Variants in MTCL3 observed in about 807,000 individuals in gnomAD.
MTCL3 encodes MTCL family member 3, also known as microtubule cross-linking factor 3.
At chr6:127,515,619 C>A in the MTCL3 span, 1 of 1,416,656 alleles carries the variant, frequency 7.1e-7, no homozygotes, top group Non-Finnish European at 9.2e-7. The surrounding 1 kb of genome is among the most constrained non-coding windows in gnomAD (Gnocchi z 4.3). Flanking sequence ...GCGCTGCCGC[C>A]TGCATGCCCC....
chr6:127,495,952 G>A, the MTCL3 span, among the ~76,000 whole-genome samples: 7 of 152,110 alleles, frequency 4.6e-5, no homozygotes, highest in Admixed American at 4.6e-4. Context: ...ACTCTCGGCT[G>A]GGCATGGTGG....
chr6:127,476,539 G>C, the MTCL3 span: 1 of 1,221,444 alleles, frequency 8.2e-7, no homozygotes, highest in South Asian at 1.5e-5. This position sits in a 1 kb window ranked among gnomAD's most constrained non-coding sequence, Gnocchi z 4.4. Flanking sequence ...AACCAAAAGA[G>C]GACACCTGGA....
the MTCL3 span, chr6:127,518,634 C>T: frequency 1.3e-5 from 2 of 152,272 alleles, no homozygotes; most frequent in African/African-American, 4.8e-5. Context: ...CACTTTCCTT[C>T]TGATATTCCG....
the MTCL3 span, chr6:127,516,732 A>G: frequency 6.8e-7 from 1 of 1,463,502 alleles, no homozygotes; most frequent in East Asian, 2.5e-5. Flanking sequence ...AGAGAAGAAG[A>G]CAACATGTCT....
the MTCL3 span, among the ~76,000 whole-genome samples, chr6:127,512,018 T>C: frequency 4.6e-5 from 7 of 152,206 alleles, no homozygotes; most frequent in African/African-American, 1.4e-4. Flanking sequence ...TATTTCTCAA[T>C]GGTAGTTTTC....
chr6:127,515,653 C>T, the MTCL3 span: 1 of 1,476,786 alleles, frequency 6.8e-7, no homozygotes, highest in Non-Finnish European at 8.9e-7. This position sits in a 1 kb window ranked among gnomAD's most constrained non-coding sequence, Gnocchi z 4.3. Context: ...GCCCTCTGCG[C>T]TCTGCTGGGG....
At chr6:127,515,912 C>T in the MTCL3 span, 3 of 1,611,188 alleles carry the variant, frequency 1.9e-6, no homozygotes, top group South Asian at 3.3e-5. The surrounding 1 kb of genome is among the most constrained non-coding windows in gnomAD (Gnocchi z 4.3). Context: ...ACGCCGCTTC[C>T]GGAGTTTCTG....
the MTCL3 span, chr6:127,483,085 T>C: frequency 1.1e-6 from 1 of 888,810 alleles, no homozygotes; most frequent in Non-Finnish European, 1.7e-6. Flanking sequence ...CCAAGACAAA[T>C]AAAAAGAGTT....
chr6:127,493,873 T>C, the MTCL3 span, among the ~76,000 whole-genome samples: 3 of 152,244 alleles, frequency 2.0e-5, no homozygotes, highest in Non-Finnish European at 2.9e-5. Context: ...CCTCTATTCT[T>C]TTCCCATGTG....
the MTCL3 span, chr6:127,515,435 T>C: frequency 9.0e-6 from 12 of 1,331,200 alleles, no homozygotes; most frequent in African/African-American, 1.5e-5. This position sits in a 1 kb window ranked among gnomAD's most constrained non-coding sequence, Gnocchi z 4.3. Flanking sequence ...TAGCAGCCTC[T>C]GATCCCTGCC....
At chr6:127,482,165 T>C in the MTCL3 span, among the ~76,000 whole-genome samples, 3 of 152,218 alleles carry the variant, frequency 2.0e-5, no homozygotes, top group Non-Finnish European at 4.4e-5. The surrounding 1 kb of genome is among the most constrained non-coding windows in gnomAD (Gnocchi z 4.1). Flanking sequence ...ACTTTCCTAA[T>C]AAACTTGCTT....
the MTCL3 span, chr6:127,476,565 G>T: frequency 1.0e-6 from 1 of 994,504 alleles, no homozygotes; most frequent in Non-Finnish European, 1.5e-6. This position sits in a 1 kb window ranked among gnomAD's most constrained non-coding sequence, Gnocchi z 4.4. Context: ...AATTTTTCTT[G>T]CAATCCAGAT....
the MTCL3 span, among the ~76,000 whole-genome samples, chr6:127,498,159 A>T: frequency 6.6e-6 from 1 of 152,250 alleles, no homozygotes; most frequent in African/African-American, 2.4e-5. Flanking sequence ...TAAAAAGACA[A>T]GCCTAAGAAG....
At chr6:127,489,604 C>T in the MTCL3 span, among the ~76,000 whole-genome samples, 1 of 152,232 alleles carries the variant, frequency 6.6e-6, no homozygotes, top group African/African-American at 2.4e-5. Context: ...AGCAAAACAG[C>T]CTTATTGCTG....
chr6:127,476,022 C>T, the MTCL3 span: 1 of 1,611,436 alleles, frequency 6.2e-7, no homozygotes, highest in Admixed American at 1.7e-5. This position sits in a 1 kb window ranked among gnomAD's most constrained non-coding sequence, Gnocchi z 4.4. Flanking sequence ...GCTTGTTCTG[C>T]TCCTCCAGGT....
At chr6:127,518,871 A>G in the MTCL3 span, 1 of 152,294 alleles carries the variant, frequency 6.6e-6, no homozygotes, top group African/African-American at 2.4e-5. Context: ...TCAGCAGGCT[A>G]ACACGCGAGG....
At chr6:127,482,412 G>A in the MTCL3 span, among the ~76,000 whole-genome samples, 1 of 152,160 alleles carries the variant, frequency 6.6e-6, no homozygotes, top group Non-Finnish European at 1.5e-5. This position sits in a 1 kb window ranked among gnomAD's most constrained non-coding sequence, Gnocchi z 4.1. Context: ...CCCATGTTGA[G>A]TACATCTTTC....
chr6:127,476,465 C>A, the MTCL3 span: 1 of 1,575,436 alleles, frequency 6.3e-7, no homozygotes, highest in Non-Finnish European at 8.6e-7. The surrounding 1 kb of genome is among the most constrained non-coding windows in gnomAD (Gnocchi z 4.4). Flanking sequence ...TCTTCATTGT[C>A]CTCCTCATTT....
the MTCL3 span, among the ~76,000 whole-genome samples, chr6:127,484,092 G>C: frequency 1.3e-5 from 2 of 152,232 alleles, no homozygotes; most frequent in African/African-American, 4.8e-5. Flanking sequence ...TCGAGGTTCT[G>C]AGGTCAAAGA....
Sources: gnomAD v4.1 joint callset for allele counts (sites outside exome capture counted in the v4.1 genomes callset) on GRCh38, gnomAD v4.1.1 for gene constraint, Gnocchi (gnomAD v3.1) non-coding constraint, MANE v1.5 for transcripts, NCBI Gene and HGNC (gene_info 2026-07-23, HGNC 2026-07-21) for gene names.